Variants in HIBADH observed in about 807,000 individuals in gnomAD.
The protein encoded by HIBADH is 3-hydroxyisobutyrate dehydrogenase, also known as 3-hydroxyisobutyrate dehydrogenase, mitochondrial.
In HIBADH, 25 loss-of-function variants were observed where a neutral mutation model predicts 36.1. The ratio of observed to expected loss-of-function variants is 0.69; its 90% CI spans 0.50 to 0.97. The LOEUF (loss-of-function observed/expected upper bound fraction) is 0.97, where lower values mean the gene tolerates loss of function less well. Among genes scored for constraint, HIBADH ranks in the 50% least tolerant of loss-of-function variants. HIBADH has a pLI of 0.00. For missense variants in HIBADH, 421 were observed against 418.0 expected (o/e 1.01, Z -0.06); for synonymous variants, 160 against 149.5 (o/e 1.07, Z -0.51).
chr7:27,599,819 CATGGAAAATT>C (rs1283715512), intron 4 of HIBADH, among the ~76,000 whole-genome samples: 1 of 149,002 alleles, frequency 6.7e-6, no homozygotes, highest in African/African-American at 2.5e-5. Flanking sequence ...AAAAGGTTTG[CATGGAAAATT>C]GTAAGTAAAT....
intron 6 of HIBADH, among the ~76,000 whole-genome samples, chr7:27,535,182 G>A (rs1198907215): frequency 2.0e-5 from 3 of 151,652 alleles, no homozygotes; most frequent in African/African-American, 4.8e-5. Flanking sequence ...TCCCAGTTTA[G>A]TGACATAATT....
intron 4 of HIBADH, among the ~76,000 whole-genome samples, chr7:27,571,912 A>G (rs1440198326): frequency 6.6e-6 from 1 of 152,194 alleles, no homozygotes; most frequent in African/African-American, 2.4e-5. Context: ...GGAGAAACTA[A>G]TATACTTTAT....
chr7:27,661,263 T>C (rs1334851122), intron 1 of HIBADH, among the ~76,000 whole-genome samples: 2 of 152,060 alleles, frequency 1.3e-5, no homozygotes, highest in African/African-American at 4.8e-5. Flanking sequence ...GAGGTTTCAC[T>C]GAGGGGGAGA....
At chr7:27,533,181 G>A (rs1784026342) in intron 6 of HIBADH, among the ~76,000 whole-genome samples, 1 of 152,090 alleles carries the variant, frequency 6.6e-6, no homozygotes, top group Admixed American at 6.6e-5. Flanking sequence ...GCTCACAAGA[G>A]CTTTTACAGC....
intron 1 of HIBADH, among the ~76,000 whole-genome samples, chr7:27,651,968 C>A (rs1287002809): frequency 6.6e-6 from 1 of 152,066 alleles, no homozygotes; most frequent in African/African-American, 2.4e-5. Flanking sequence ...AGGAGGGGAA[C>A]TCCATACAGA....
intron 6 of HIBADH, among the ~76,000 whole-genome samples, chr7:27,537,443 T>C (rs1784085066): frequency 6.6e-6 from 1 of 152,158 alleles, no homozygotes; most frequent in South Asian, 2.1e-4. Flanking sequence ...TTATTACTTT[T>C]ATCAAAAGCT....
At chr7:27,633,122 C>T (rs1785777754) in intron 2 of HIBADH, among the ~76,000 whole-genome samples, 1 of 152,094 alleles carries the variant, frequency 6.6e-6, no homozygotes, top group African/African-American at 2.4e-5. Context: ...GGCATCAGGG[C>T]ACTCTCTCAA....
At chr7:27,587,178 C>A (rs1347055153) in intron 4 of HIBADH, among the ~76,000 whole-genome samples, 1 of 152,218 alleles carries the variant, frequency 6.6e-6, no homozygotes, top group Non-Finnish European at 1.5e-5. Flanking sequence ...AAAAGTACCT[C>A]ATTTATTCTT....
intron 6 of HIBADH, 143 bp downstream of exon 6, chr7:27,538,198 T>C: frequency 1.5e-6 from 1 of 658,906 alleles, no homozygotes; most frequent in East Asian, 2.7e-5. Context: ...AAGCAAAGTC[T>C]ATTAAAGTTC....
intron 3 of HIBADH, among the ~76,000 whole-genome samples, chr7:27,631,553 C>A (rs1391680341): frequency 6.6e-6 from 1 of 152,092 alleles, no homozygotes; most frequent in East Asian, 1.9e-4. Context: ...AGTGACATGA[C>A]AAAACTAAGC....
In HIBADH at chr7:27,526,238, G is replaced by C. The variant is rs1368524510; in HGVS notation, c.987C>G (p.Phe329Leu). 2 of 1,611,436 alleles carry C rather than the reference G, an allele frequency of 1.2e-6. No individual in the cohort carries two copies. Among genetic ancestry groups the C allele is most frequent in the Non-Finnish European group, 1.7e-6 (2 of 1,179,018 alleles). The change falls in exon 8 of 8, where the codon TTC becomes TTG. Residue 329 changes from phenylalanine to leucine, a missense_variant. By Grantham distance (22) the Phe-to-Leu change is conservative (BLOSUM62 0). Coordinates refer to ENST00000265395, the MANE Select transcript of HIBADH (RefSeq NM_152740.4). ...CTCAGAAGGTCTCCTCCTCTCGTAG[G>C]AACTGGAACACGGATGAGAAGTCTT... is the stretch of plus-strand genomic sequence containing the variant. ...SKKDFSSVFQ[F>L]LREEETF
At chr7:27,607,906 T>C (rs1341836736) in intron 4 of HIBADH, among the ~76,000 whole-genome samples, 3 of 152,200 alleles carry the variant, frequency 2.0e-5, no homozygotes, top group African/African-American at 7.2e-5. Context: ...CAAGACTAGT[T>C]TCTATTCTTT....
chr7:27,607,127 G>C (rs1177316831), intron 4 of HIBADH, among the ~76,000 whole-genome samples: 1 of 152,174 alleles, frequency 6.6e-6, no homozygotes, highest in African/African-American at 2.4e-5. Context: ...AAAAGCTGTT[G>C]ATTTTATATG....
In HIBADH at chr7:27,567,504, T is replaced by C. The variant is rs143240556; in HGVS notation, c.485-24404A>G. Among the ~76,000 whole-genome samples, 494 of 152,300 alleles carry C rather than the reference T, an allele frequency of 3.2e-3. 6 individuals carry two copies. The highest frequency in any genetic ancestry group is 0.011 in the African/African-American group (465 of 41,576). On this transcript the variant is annotated intron_variant, in intron 4 of 7. Transcript: ENST00000265395. ...ATGTTAGTATTGATAGGTTTGGATT[T>C]AAGTCTACTAGTTTATTTTCTGCTT... is the stretch of plus-strand genomic sequence containing the variant.
At chr7:27,548,523 G>A (rs1187763940) in intron 4 of HIBADH, among the ~76,000 whole-genome samples, 1 of 152,106 alleles carries the variant, frequency 6.6e-6, no homozygotes. Context: ...AATATCATCA[G>A]CAAATATTTA....
intron 7 of HIBADH, among the ~76,000 whole-genome samples, 170 bp downstream of exon 7, chr7:27,531,022 A>G (rs958116233): frequency 1.3e-5 from 2 of 152,142 alleles, no homozygotes; most frequent in African/African-American, 4.8e-5. Flanking sequence ...AATGAACAAG[A>G]TAAGGATTTT....
At chr7:27,644,880 T>C (rs1375620423) in intron 2 of HIBADH, among the ~76,000 whole-genome samples, 1 of 152,222 alleles carries the variant, frequency 6.6e-6, no homozygotes, top group African/African-American at 2.4e-5. Flanking sequence ...CTATATAGAC[T>C]TCCTTATTCT....
intron 1 of HIBADH, among the ~76,000 whole-genome samples, chr7:27,652,429 A>G (rs1429487514): frequency 2.0e-5 from 3 of 152,226 alleles, no homozygotes; most frequent in Non-Finnish European, 4.4e-5. Context: ...TGAGACTTAC[A>G]CTTTAGGAAC....
intron 4 of HIBADH, among the ~76,000 whole-genome samples, chr7:27,599,391 A>C (rs1244789149): frequency 1.3e-5 from 2 of 152,156 alleles, no homozygotes; most frequent in Non-Finnish European, 1.5e-5. Context: ...AATTAGTTTT[A>C]AAAATTGATG....
Sources: gnomAD v4.1 joint callset for allele counts (sites outside exome capture counted in the v4.1 genomes callset) on GRCh38, gnomAD v4.1.1 for gene constraint, MANE v1.5 for transcripts, NCBI Gene and HGNC (gene_info 2026-07-23, HGNC 2026-07-21) for gene names.